The following MIGA1 variants were observed in gnomAD, a reference collection of about 807,000 sequenced individuals.
MIGA1 encodes mitoguardin 1.
In MIGA1, 58 loss-of-function variants were observed where a neutral mutation model predicts 82.0. The ratio of observed to expected loss-of-function variants is 0.71; its 90% CI spans 0.57 to 0.88. The LOEUF (loss-of-function observed/expected upper bound fraction) is 0.88. MIGA1 is among the 40% of genes least tolerant of loss of function. The pLI is 0.00. For missense variants in MIGA1, 751 were observed against 749.1 expected, an observed-to-expected ratio of 1.00 and a Z score of -0.03; for synonymous variants, 249 against 253.6, an observed-to-expected ratio of 0.98 and a Z score of 0.17.
At chr1:77,802,773 C>G (rs1377599861) in intron 3 of MIGA1, among the ~76,000 whole-genome samples, 1 of 150,140 alleles carries the variant, frequency 6.7e-6, no homozygotes, top group Non-Finnish European at 1.5e-5. Context: ...AGAGTGAGAT[C>G]TTTTCTCAAA....
intron 2 of MIGA1, among the ~76,000 whole-genome samples, chr1:77,784,838 CAT>C (rs1386326831): frequency 1.3e-5 from 2 of 152,138 alleles, no homozygotes; most frequent in South Asian, 2.1e-4. Flanking sequence ...AATCACATCT[CAT>C]ATGGCGGCAG....
At chr1:77,848,156 G>A in intron 8 of MIGA1, 1 of 1,408,002 alleles carries the variant, frequency 7.1e-7, no homozygotes. Flanking sequence ...AGAAAGAAAG[G>A]GATTCTCATA....
chr1:77,780,005 C>A, intron 1 of MIGA1: 1 of 1,219,286 alleles, frequency 8.2e-7, no homozygotes, highest in South Asian at 2.4e-5. Context: ...GGTCCCCACG[C>A]CAGAGGGAGG....
intron 8 of MIGA1, among the ~76,000 whole-genome samples, chr1:77,857,723 GTTGTTTT>G (rs1685315397): frequency 8.9e-6 from 1 of 112,924 alleles, no homozygotes; most frequent in African/African-American, 3.1e-5. Flanking sequence ...TTTCTGGGTT[GTTGTTTT>G]TTTTTTTTTT....
At chr1:77,851,062 G>T (rs1290214578) in intron 8 of MIGA1, among the ~76,000 whole-genome samples, 1 of 152,084 alleles carries the variant, frequency 6.6e-6, no homozygotes, top group Non-Finnish European at 1.5e-5. Flanking sequence ...TAGAGATGGG[G>T]TTTTGCCATA....
At chr1:77,788,860 C>G (rs1337067928) in intron 2 of MIGA1, among the ~76,000 whole-genome samples, 1 of 152,080 alleles carries the variant, frequency 6.6e-6, no homozygotes, top group African/African-American at 2.4e-5. Context: ...CAGCTTTGTT[C>G]TTCTTTTTCA....
chr1:77,857,556 T>G (rs769956007), intron 8 of MIGA1, among the ~76,000 whole-genome samples: 8 of 151,910 alleles, frequency 5.3e-5, no homozygotes, highest in African/African-American at 1.9e-4. Context: ...GGTGCGTACC[T>G]GTAGCCCCAG....
chr1:77,813,731 T>C lies in MIGA1; in HGVS notation c.638-3T>C. ...TTAAAATTGTTCTGTTCTTAATTTT[T>C]AGGTATGGAATTGTTTGAAGAGGCA... On this transcript the variant is annotated splice_polypyrimidine_tract_variant and splice_region_variant and intron_variant, in intron 5 of 15. Transcript: ENST00000370791. 1 of 1,613,024 alleles carries C rather than the reference T, an allele frequency of 6.2e-7. No individual in the cohort carries two copies. The highest frequency in any genetic ancestry group is 1.3e-5 in the African/African-American group (1 of 74,992).
intron 7 of MIGA1, among the ~76,000 whole-genome samples, chr1:77,822,248 G>A (rs1018742946): frequency 3.9e-5 from 6 of 152,146 alleles, no homozygotes; most frequent in South Asian, 2.1e-4. Context: ...CTGTTTTTAC[G>A]TTTTTCATCT....
intron 2 of MIGA1, among the ~76,000 whole-genome samples, chr1:77,786,939 A>G (rs1682188290): frequency 1.3e-5 from 2 of 152,140 alleles, no homozygotes; most frequent in Admixed American, 1.3e-4. Flanking sequence ...GTCCATTTTC[A>G]TGCTGCTGAT....
chr1:77,804,964 ATTCTG>A (rs1401762325), intron 4 of MIGA1, among the ~76,000 whole-genome samples: 1 of 140,276 alleles, frequency 7.1e-6, no homozygotes, highest in East Asian at 2.1e-4. Context: ...AGAACACCAT[ATTCTG>A]TTCTGTACCT....
In MIGA1 at chr1:77,866,371, CAG is replaced by C. The variant is rs1383053104; in HGVS notation, c.1545_1546del (p.Arg517ThrfsTer18). ...TTCAAGTTGTTGGTCGGTGCTGAAA[CAG>C]AAAAGACAACAGATGAAGGTAAAAT... On this transcript the variant is annotated frameshift_variant, in exon 14 of 16. Coordinates refer to ENST00000370791, the MANE Select transcript of MIGA1 (RefSeq NM_198549.4). LOFTEE classifies it high-confidence loss of function. The C allele has an allele frequency of 6.2e-7, 1 of 1,613,978 alleles. No homozygotes were observed. Among genetic ancestry groups the C allele is most frequent in the African/African-American group, 1.3e-5 (1 of 75,012 alleles).
chr1:77,839,735 A>C (rs1165626898), intron 7 of MIGA1, among the ~76,000 whole-genome samples: 1 of 151,540 alleles, frequency 6.6e-6, no homozygotes, highest in African/African-American at 2.4e-5. Context: ...AGTTGATAAA[A>C]CTTTTTATTA....
At chr1:77,822,630 C>A (rs10518561) in intron 7 of MIGA1, among the ~76,000 whole-genome samples, 2 of 151,978 alleles carry the variant, frequency 1.3e-5, no homozygotes, top group Non-Finnish European at 1.5e-5. Flanking sequence ...TACTCACTTG[C>A]AAATCATTTT....
chr1:77,812,633 ATAT>A (rs1397755474), intron 5 of MIGA1, among the ~76,000 whole-genome samples: 3 of 152,204 alleles, frequency 2.0e-5, no homozygotes, highest in Non-Finnish European at 4.4e-5. Flanking sequence ...TTTTTCTTTA[ATAT>A]TTAACATCTT....
intron 14 of MIGA1, among the ~76,000 whole-genome samples, chr1:77,869,095 C>T (rs969790776): frequency 2.6e-5 from 4 of 151,284 alleles, no homozygotes; most frequent in Non-Finnish European, 4.4e-5. Flanking sequence ...TGCAGCCTTC[C>T]GCAGTGTTTG....
intron 14 of MIGA1, among the ~76,000 whole-genome samples, chr1:77,870,914 T>C (rs1685954312): frequency 2.6e-5 from 1 of 38,482 alleles, no homozygotes; most frequent in African/African-American, 1.0e-4. Flanking sequence ...AAACCCCGTC[T>C]CCACCAAAAA....
chr1:77,817,231 A>G (rs774825206), intron 7 of MIGA1, among the ~76,000 whole-genome samples: 11 of 152,198 alleles, frequency 7.2e-5, no homozygotes, highest in Non-Finnish European at 1.5e-4. Flanking sequence ...GGTCTGCTTT[A>G]GATTCTTGTT....
At chr1:77,844,637 A>G (rs1469342499) in intron 8 of MIGA1, among the ~76,000 whole-genome samples, 2 of 152,128 alleles carry the variant, frequency 1.3e-5, no homozygotes, top group African/African-American at 2.4e-5. Context: ...TTTTTACAGT[A>G]GATTTTGGAT....
Sources: allele counts gnomAD v4.1 joint callset (sites outside exome capture counted in the v4.1 genomes callset), GRCh38; gene constraint gnomAD v4.1.1; transcripts MANE v1.5; gene names NCBI Gene and HGNC (gene_info 2026-07-23, HGNC 2026-07-21).